HPSE2: variants seen among roughly 807,000 people sequenced by gnomAD.
HPSE2 encodes heparanase 2 (inactive).
Under a neutral mutation model 60.5 loss-of-function variants are expected in HPSE2, and 38 were observed. That is an observed-to-expected ratio of 0.63 (90% confidence interval 0.48 to 0.82). The LOEUF (loss-of-function observed/expected upper bound fraction) is 0.82, where lower values mean the gene tolerates loss of function less well. HPSE2 is among the 40% of genes least tolerant of loss of function. The pLI is 0.00. For missense variants in HPSE2, 713 were observed against 740.4 expected, an observed-to-expected ratio of 0.96 and a Z score of 0.43; for synonymous variants, 295 against 293.2, an observed-to-expected ratio of 1.01 and a Z score of -0.06.
intron 8 of HPSE2, among the ~76,000 whole-genome samples, chr10:98,619,742 C>T (rs188296784): frequency 4.3e-4 from 65 of 152,306 alleles, no homozygotes; most frequent in Non-Finnish European, 7.4e-4. Context: ...ATGACTCCCA[C>T]CTATAGAAAT....
chr10:99,057,917 TA>T (rs55696851), intron 3 of HPSE2, among the ~76,000 whole-genome samples: 148,874 of 152,108 alleles, frequency 0.98, 72,929 homozygotes, highest in East Asian at 1. Flanking sequence ...TCTTATGGGT[TA>T]AAAAAAAACA....
chr10:98,764,484 T>C (rs190627834), intron 3 of HPSE2, among the ~76,000 whole-genome samples: 115 of 152,340 alleles, frequency 7.5e-4, no homozygotes, highest in Middle Eastern at 3.4e-3. Flanking sequence ...ACTTGTTAGA[T>C]TTGATTTTTA....
chr10:98,809,083 A>G (rs572448749), intron 3 of HPSE2, among the ~76,000 whole-genome samples: 2 of 152,248 alleles, frequency 1.3e-5, no homozygotes, highest in Non-Finnish European at 2.9e-5. Context: ...GAATACCCCA[A>G]TTGACATTGA....
chr10:98,731,103 G>A (rs1192497968), intron 4 of HPSE2, among the ~76,000 whole-genome samples: 2 of 152,082 alleles, frequency 1.3e-5, no homozygotes, highest in African/African-American at 4.8e-5. Context: ...TGGCCAACAT[G>A]GTGAAACCCC....
At chr10:98,859,377 C>T (rs1032013414) in intron 3 of HPSE2, among the ~76,000 whole-genome samples, 3 of 152,122 alleles carry the variant, frequency 2.0e-5, no homozygotes, top group Non-Finnish European at 4.4e-5. Flanking sequence ...GCTGATAAAA[C>T]ATTATTTCTT....
chr10:99,223,017 C>T (rs1849363379), intron 2 of HPSE2, among the ~76,000 whole-genome samples: 1 of 151,960 alleles, frequency 6.6e-6, no homozygotes, highest in Admixed American at 6.6e-5. Context: ...AGATTGAATC[C>T]CTCTCTTACC....
chr10:98,905,948 C>T (rs1953803979), intron 3 of HPSE2, among the ~76,000 whole-genome samples: 1 of 152,180 alleles, frequency 6.6e-6, no homozygotes, highest in Non-Finnish European at 1.5e-5. Flanking sequence ...GATTGAAGAA[C>T]TTAGTCTCCT....
At chr10:99,088,333 A>G (rs983849236) in intron 3 of HPSE2, among the ~76,000 whole-genome samples, 6 of 152,122 alleles carry the variant, frequency 3.9e-5, no homozygotes, top group African/African-American at 1.4e-4. Context: ...ATTGTAGCCA[A>G]TGTGTAGTCT....
chr10:98,957,052 A>C (rs1231217608), intron 3 of HPSE2, among the ~76,000 whole-genome samples: 1 of 152,214 alleles, frequency 6.6e-6, no homozygotes, highest in Non-Finnish European at 1.5e-5. Context: ...TGAAACCACC[A>C]TGATGACTAA....
At chr10:98,492,381 A>T (rs1320258157) in intron 9 of HPSE2, among the ~76,000 whole-genome samples, 1 of 152,040 alleles carries the variant, frequency 6.6e-6, no homozygotes, top group Non-Finnish European at 1.5e-5. Context: ...GGGCGCCTGT[A>T]GTCCCAGCTA....
chr10:98,762,113 T>C (rs1348101455), intron 3 of HPSE2, among the ~76,000 whole-genome samples: 2 of 151,322 alleles, frequency 1.3e-5, no homozygotes, highest in African/African-American at 4.9e-5. Context: ...GGCTATGACA[T>C]TGATGACAGA....
intron 10 of HPSE2, among the ~76,000 whole-genome samples, chr10:98,488,169 G>A (rs2133670354): frequency 6.6e-6 from 1 of 152,308 alleles, no homozygotes; most frequent in Non-Finnish European, 1.5e-5. Flanking sequence ...GGTGTAGACA[G>A]ACAGTCTTGA....
intron 9 of HPSE2, among the ~76,000 whole-genome samples, chr10:98,598,528 T>G (rs964156972): frequency 1.3e-5 from 2 of 152,138 alleles, no homozygotes; most frequent in Non-Finnish European, 2.9e-5. Context: ...AGCCTGAATC[T>G]TCTGGGACCA....
intron 5 of HPSE2, among the ~76,000 whole-genome samples, chr10:98,719,696 T>A (rs1422709586): frequency 1.4e-4 from 17 of 121,500 alleles, no homozygotes; most frequent in Non-Finnish European, 2.7e-4. Context: ...GACCAGATGT[T>A]GCATTAAAAA....
chr10:99,111,606 T>C (rs1361135653), intron 3 of HPSE2, among the ~76,000 whole-genome samples: 4 of 152,226 alleles, frequency 2.6e-5, no homozygotes, highest in Admixed American at 2.6e-4. Context: ...TGCCTAAATA[T>C]AGTACCTCTA....
intron 3 of HPSE2, among the ~76,000 whole-genome samples, chr10:98,945,917 T>C (rs1955167644): frequency 6.6e-6 from 1 of 152,150 alleles, no homozygotes; most frequent in Non-Finnish European, 1.5e-5. Context: ...ACAGATTATA[T>C]AGTTGATCCT....
chr10:98,863,782 C>T (rs976004974), intron 3 of HPSE2, among the ~76,000 whole-genome samples: 4 of 152,066 alleles, frequency 2.6e-5, no homozygotes, highest in African/African-American at 9.7e-5. Flanking sequence ...ATTTTATATT[C>T]AAGCTCTCAA....
Position 98,931,394 on chromosome 10 carries a change from G to C in HPSE2, c.611-187338C>G, listed in dbSNP as rs931263805. 1.4e-5 allele frequency among the ~76,000 whole-genome samples: 2 copies of C among 143,816 alleles called. 1 individual carries two copies. Among genetic ancestry groups the C allele is most frequent in the Non-Finnish European group, 3.0e-5 (2 of 67,112 alleles). 94.3% of individuals were successfully genotyped at this position (143,816 alleles called of 152,430 possible). A position where few individuals can be genotyped will look rare whatever the true frequency, so the allele number is the denominator to read the frequency against. On this transcript the variant is annotated intron_variant, in intron 3 of 11. Transcript: ENST00000370552. Reference sequence around the variant, plus strand: ...TGGCCTTGTAGTACAGTTTGAAGTTGGGTAGCATGATGCCTCTGGCTTTGT... The same window carrying C: ...TGGCCTTGTAGTACAGTTTGAAGTTCGGTAGCATGATGCCTCTGGCTTTGT...
chr10:98,907,431 T>G (rs1235681564), intron 3 of HPSE2, among the ~76,000 whole-genome samples: 1 of 152,040 alleles, frequency 6.6e-6, no homozygotes, highest in East Asian at 1.9e-4. Context: ...AGCCTAGGAG[T>G]TTGATGCCAG....
Sources: allele counts gnomAD v4.1 joint callset (sites outside exome capture counted in the v4.1 genomes callset), GRCh38; gene constraint gnomAD v4.1.1; transcripts MANE v1.5; gene names NCBI Gene and HGNC (gene_info 2026-07-23, HGNC 2026-07-21).